GALNS: variants seen among roughly 807,000 people sequenced by gnomAD.
GALNS encodes the protein galactosamine (N-acetyl)-6-sulfatase.
Under a neutral mutation model 65.9 loss-of-function variants are expected in GALNS, and 65 were observed. The observed-to-expected ratio is 0.99, with a 90% CI of 0.81 to 1.21. The LOEUF (loss-of-function observed/expected upper bound fraction) is 1.21, where lower values mean the gene tolerates loss of function less well. GALNS is among the 50% of genes most tolerant of loss of function. The pLI is 0.00. For synonymous variants in GALNS, 346 were observed against 288.9 expected (o/e 1.20, Z -2.00); for missense variants, 776 against 700.7 (o/e 1.11, Z -1.21).
intron 5 of GALNS, among the ~76,000 whole-genome samples, chr16:88,837,234 G>A (rs1912235363): frequency 6.6e-6 from 1 of 152,178 alleles, no homozygotes; most frequent in South Asian, 2.1e-4. Context: ...GCTCCCAGTG[G>A]GGGTTTCATC....
intron 10 of GALNS, 131 bp downstream of exon 10, chr16:88,826,571 C>T: frequency 1.8e-6 from 2 of 1,138,590 alleles, no homozygotes; most frequent in South Asian, 3.0e-5. Context: ...CTGCCTCCTC[C>T]TGCCCTGGGC....
At chr16:88,834,366 G>C (rs1241635411) in intron 8 of GALNS, among the ~76,000 whole-genome samples, 2 of 132,992 alleles carry the variant, frequency 1.5e-5, no homozygotes, top group Admixed American at 7.6e-5. Context: ...GCCCCCCCCC[G>C]CGTGGTCTGG....
At chr16:88,853,917 G>A (rs1967631298) in intron 1 of GALNS, among the ~76,000 whole-genome samples, 1 of 152,226 alleles carries the variant, frequency 6.6e-6, no homozygotes. Flanking sequence ...CCCGACTCTG[G>A]GGGCAATGGT....
chr16:88,834,627 C>A (rs1911909570), intron 8 of GALNS, among the ~76,000 whole-genome samples: 1 of 128,520 alleles, frequency 7.8e-6, no homozygotes, highest in Non-Finnish European at 1.7e-5. Context: ...TGGGAAGAGG[C>A]TGCAGGGCCC....
intron 1 of GALNS, among the ~76,000 whole-genome samples, chr16:88,854,141 T>C (rs13330669): frequency 0.072 from 10,938 of 152,186 alleles, 1,268 homozygotes; most frequent in African/African-American, 0.25. Context: ...AATCTGAACT[T>C]GAGACATGCA....
At chr16:88,848,526 G>A (rs1455056032) in intron 1 of GALNS, among the ~76,000 whole-genome samples, 5 of 151,612 alleles carry the variant, frequency 3.3e-5, no homozygotes, top group East Asian at 1.9e-4. Context: ...CCAGCTACTC[G>A]GGAGGCTGAG....
intron 1 of GALNS, among the ~76,000 whole-genome samples, chr16:88,849,778 C>T (rs1967420832): frequency 6.6e-6 from 1 of 152,174 alleles, no homozygotes; most frequent in Non-Finnish European, 1.5e-5. Context: ...ACAATGGAGG[C>T]TGGAATGAAA....
In GALNS at chr16:88,854,360, C is replaced by G. The variant is rs867077730; in HGVS notation, c.120+2398G>C. 7.2e-5 allele frequency among the ~76,000 whole-genome samples: 11 copies of G among 152,334 alleles called. 1 individual carries two copies. The highest frequency in any genetic ancestry group is 6.8e-3 in the Middle Eastern group (2 of 294). ...GACAGCCTGTGAGGACCCCCTTGCA[C>G]CCTGGGCCACGTCAGGGCACCTCGG... On this transcript the variant is annotated intron_variant, in intron 1 of 13. Coordinates refer to ENST00000268695, the MANE Select transcript of GALNS (RefSeq NM_000512.5).
At chr16:88,840,688 C>G in intron 4 of GALNS, 1 of 443,354 alleles carries the variant, frequency 2.3e-6, no homozygotes, top group South Asian at 2.1e-5. Context: ...CAGGAGGCAG[C>G]CGGGGGGCAG....
intron 9 of GALNS, among the ~76,000 whole-genome samples, chr16:88,827,890 C>T (rs1911097248): frequency 6.6e-6 from 1 of 152,222 alleles, no homozygotes; most frequent in Non-Finnish European, 1.5e-5. Context: ...GGAGCTCCCA[C>T]CCAGTGTCGA....
chr16:88,848,294 C>G (rs549621928), intron 1 of GALNS, among the ~76,000 whole-genome samples: 1 of 143,600 alleles, frequency 7.0e-6, no homozygotes, highest in African/African-American at 3.0e-5. Flanking sequence ...AAAAATGACC[C>G]GCACACTTTC....
At chr16:88,852,826 G>A (rs1161387149) in intron 1 of GALNS, among the ~76,000 whole-genome samples, 1 of 152,206 alleles carries the variant, frequency 6.6e-6, no homozygotes. Context: ...GTGGTGATGG[G>A]CGGCTATAAT....
At position 88,856,803 on chromosome 16, in the gene GALNS, C is replaced by G. The variant is rs1481830268; in HGVS notation, c.75G>C (p.Ser25=). The change falls in exon 1 of 14, where the codon TCG becomes TCC. Residue 25 remains serine, a synonymous_variant. Transcript: ENST00000268695. ...LVLSAAGMGA[S]GAPQPPNILL... ...GGATGTTGGGGGGCTGCGGGGCGCC[C>G]GAGGCCCCCATCCCCGCGGCGCTGA... 1.9e-6 allele frequency: 3 copies of G among 1,540,538 alleles called. No homozygotes were observed. The highest frequency in any genetic ancestry group is 2.6e-6 in the Non-Finnish European group (3 of 1,154,292).
chr16:88,839,091 C>T (rs548401143), intron 4 of GALNS, among the ~76,000 whole-genome samples: 6 of 152,158 alleles, frequency 3.9e-5, no homozygotes, highest in Admixed American at 1.3e-4. Context: ...CACCCAGCCA[C>T]AGGGGACACT....
At chr16:88,856,612 CGCGGGGCCTCCCCCCTTCCCCAAGGG>C in intron 1 of GALNS, 120 bp downstream of exon 1, 1 of 568,114 alleles carries the variant, frequency 1.8e-6, no homozygotes, top group Non-Finnish European at 3.3e-6. Flanking sequence ...CTCCTCCCCG[CGCGGGGCCTCCCCCCTTCCCCAAGGG>C]GCCTCCCCTC....
intron 13 of GALNS, chr16:88,815,010 G>A (rs765045010): frequency 6.8e-5 from 67 of 984,556 alleles, no homozygotes; most frequent in East Asian, 1.1e-4. Context: ...TGGGATTATA[G>A]GCGTGAGCCA....
chr16:88,833,818 T>C (rs1000940634), intron 8 of GALNS, among the ~76,000 whole-genome samples: 1 of 152,242 alleles, frequency 6.6e-6, no homozygotes, highest in South Asian at 2.1e-4. Context: ...GTGTGTGGGT[T>C]CTCATCTTGT....
At chr16:88,828,016 C>T (rs976558948) in intron 9 of GALNS, among the ~76,000 whole-genome samples, 6 of 152,388 alleles carry the variant, frequency 3.9e-5, no homozygotes, top group African/African-American at 1.2e-4. Flanking sequence ...GGGACACTCA[C>T]TCCGCGCTGC....
chr16:88,840,962 C>A, intron 4 of GALNS, 30 bp downstream of exon 4: 1 of 1,553,924 alleles, frequency 6.4e-7, no homozygotes, highest in South Asian at 1.1e-5. Context: ...TGGAGCAGGA[C>A]GCCTGGGCAG....
Sources: gnomAD v4.1 joint callset for allele counts (sites outside exome capture counted in the v4.1 genomes callset) on GRCh38, gnomAD v4.1.1 for gene constraint, MANE v1.5 for transcripts, NCBI Gene and HGNC (gene_info 2026-07-23, HGNC 2026-07-21) for gene names.